MROH1: variants seen among roughly 807,000 people sequenced by gnomAD.
MROH1 encodes the protein maestro heat like repeat family member 1.
In MROH1, 117 loss-of-function variants were observed where a neutral mutation model predicts 116.5. The ratio of observed to expected loss-of-function variants is 1.00; its 90% CI spans 0.86 to 1.17. MROH1 has a LOEUF of 1.17. MROH1 is among the 50% of genes most tolerant of loss of function. The probability of loss-of-function intolerance (pLI) is 0.00; values close to 1 mark genes in which losing one functional copy is unlikely to be tolerated. For synonymous variants in MROH1, 921 were observed against 583.9 expected, an observed-to-expected ratio of 1.58 and a Z score of -8.32; for missense variants, 1,873 against 1,338.5, an observed-to-expected ratio of 1.40 and a Z score of -6.23.
intron 4 of MROH1, chr8:144,175,673 C>A (rs997055492): frequency 3.6e-6 from 2 of 553,698 alleles, no homozygotes; most frequent in Non-Finnish European, 4.6e-6. Flanking sequence ...CCTGTAATCC[C>A]AGCACTTTGG....
In MROH1 at chr8:144,249,006, C is replaced by A. The variant is rs1235391299; in HGVS notation, c.3250C>A (p.Arg1084=). The A allele has an allele frequency of 1.8e-5, 12 of 665,790 alleles. No individual in the cohort carries two copies. Among genetic ancestry groups the A allele is most frequent in the South Asian group, 1.0e-4 (7 of 67,258 alleles). The allele number at this position is 665,790 out of a possible 1,614,324, so 41.2% of individuals were successfully genotyped here. A position where few individuals can be genotyped will look rare whatever the true frequency, so the allele number is the denominator to read the frequency against. ...CATGATCAACTGCCTGCTGCAGGAG[C>A]GGGGCGGTGTGCTCCAGGAGAAGGT... ...TVMINCLLQE[R]GGVLQEKVPE... Residue 1084 remains arginine, a synonymous_variant, in exon 32 of 44, where the codon CGG becomes AGG. Transcript: ENST00000326134.
intron 3 of MROH1, among the ~76,000 whole-genome samples, chr8:144,167,473 G>A (rs1404383036): frequency 7.0e-6 from 1 of 143,136 alleles, no homozygotes; most frequent in Non-Finnish European, 1.5e-5. Flanking sequence ...GGCCAGTTGG[G>A]GTGGAGTGGC....
At chr8:144,220,715 A>G (rs1192603492) in intron 13 of MROH1, 42 bp downstream of exon 13, 1 of 1,517,292 alleles carries the variant, frequency 6.6e-7, no homozygotes, top group South Asian at 1.2e-5. Context: ...ACCACACCAC[A>G]GGCAGCTGCA....
chr8:144,171,151 T>A (rs540154146), intron 4 of MROH1, among the ~76,000 whole-genome samples: 3 of 152,246 alleles, frequency 2.0e-5, no homozygotes, highest in East Asian at 1.9e-4. Flanking sequence ...GAGGGCTCAG[T>A]CCCACACAAC....
At chr8:144,191,895 C>A in intron 9 of MROH1, 40 bp downstream of exon 9, 1 of 1,610,310 alleles carries the variant, frequency 6.2e-7, no homozygotes, top group Middle Eastern at 1.7e-4. Flanking sequence ...CCCGAGGACC[C>A]CTCCAATCAG....
At position 144,260,819 on chromosome 8, in the gene MROH1, C is replaced by A. The variant is rs1257431059; in HGVS notation, c.4523C>A (p.Ala1508Asp). ...PLLLHLQDPQATVASACRFAL... is the reference protein window; with the variant it reads ...PLLLHLQDPQDTVASACRFAL... ...CTGCTGCACCTGCAGGACCCTCAGG[C>A]CACCGTGGCCAGCGTGAGTAGCCAG... Residue 1508 changes from alanine to aspartate, a missense_variant, in exon 40 of 44, where the codon GCC becomes GAC. Ala to Asp is a moderately radical substitution (Grantham distance 126). Transcript: ENST00000326134. The A allele has an allele frequency of 1.3e-6, 1 of 777,770 alleles. No individual in the cohort carries two copies. Among genetic ancestry groups the A allele is most frequent in the Non-Finnish European group, 2.4e-6 (1 of 417,572 alleles). 48.2% of individuals were successfully genotyped at this position (777,770 alleles called of 1,614,324 possible).
intron 12 of MROH1, among the ~76,000 whole-genome samples, chr8:144,207,461 A>G (rs564389603): frequency 2.8e-3 from 420 of 150,732 alleles, no homozygotes; most frequent in African/African-American, 9.3e-3. Context: ...GCTGGGATTT[A>G]CAGGCGTGAG....
intron 14 of MROH1, among the ~76,000 whole-genome samples, chr8:144,224,846 G>A (rs1027793160): frequency 6.6e-6 from 1 of 152,146 alleles, no homozygotes. Flanking sequence ...GGGGTGGCCG[G>A]ATGATTCTGG....
chr8:144,236,923 T>TTTTA, intron 14 of MROH1, among the ~76,000 whole-genome samples: 1 of 85,360 alleles, frequency 1.2e-5, no homozygotes, highest in Non-Finnish European at 2.5e-5. Context: ...TTTTTTTTTT[T>TTTTA]GAGATGGAGT....
At position 144,239,142 on chromosome 8, in the gene MROH1, C is replaced by G; in HGVS notation, c.1554C>G (p.Ala518=). Residue 518 remains alanine, a synonymous_variant, in exon 16 of 44, where the codon GCC becomes GCG. Transcript: ENST00000326134. Reference sequence around the variant, plus strand: ...ATCTGGCGCAGAAGAGGCAGGAGGCCGGGGCCGACGCCTTCCTCATCCAGT... The same window carrying G: ...ATCTGGCGCAGAAGAGGCAGGAGGCGGGGGCCGACGCCTTCCTCATCCAGT... The part of the protein sequence containing the change: ...LVHLAQKRQE[A]GADAFLIQYD... The G allele has an allele frequency of 1.3e-6, 1 of 769,114 alleles. No individual in the cohort carries two copies. The highest frequency in any genetic ancestry group is 2.4e-6 in the Non-Finnish European group (1 of 417,150). 47.6% of individuals were successfully genotyped at this position (769,114 alleles called of 1,614,324 possible).
intron 1 of MROH1, among the ~76,000 whole-genome samples, chr8:144,154,903 C>T (rs1002347740): frequency 6.6e-6 from 1 of 152,160 alleles, no homozygotes; most frequent in Non-Finnish European, 1.5e-5. Flanking sequence ...ACTGCAACCT[C>T]TGCCTCCTGG....
At chr8:144,190,496 G>T (rs759113202) in intron 7 of MROH1, among the ~76,000 whole-genome samples, 35 of 152,036 alleles carry the variant, frequency 2.3e-4, no homozygotes, top group Non-Finnish European at 4.0e-4. Flanking sequence ...TTCCAGCCTG[G>T]GTGACACAGC....
intron 13 of MROH1, among the ~76,000 whole-genome samples, chr8:144,221,692 G>T (rs1442780617): frequency 6.6e-6 from 1 of 152,026 alleles, no homozygotes; most frequent in East Asian, 1.9e-4. Context: ...CCCCTGACAG[G>T]GTCTTTTGGT....
At position 144,166,601 on chromosome 8, in the gene MROH1, G is replaced by C. The variant is rs113578429; in HGVS notation, c.23-1694G>C. Among the ~76,000 whole-genome samples the C allele has an allele frequency of 2.1e-3, 313 of 152,268 alleles. 1 individual carries two copies. Among genetic ancestry groups the C allele is most frequent in the African/African-American group, 7.2e-3 (301 of 41,552 alleles). Reference sequence around the variant, plus strand: ...TCAGGGCTCTATAAGTGCCACTGTTGGGTGCCATGTCTTGAGCTTGAGGGA... The same window carrying C: ...TCAGGGCTCTATAAGTGCCACTGTTCGGTGCCATGTCTTGAGCTTGAGGGA... On this transcript the variant is annotated intron_variant, in intron 3 of 43. Transcript: ENST00000326134.
intron 35 of MROH1, among the ~76,000 whole-genome samples, chr8:144,258,533 G>A (rs1036882827): frequency 1.2e-3 from 182 of 152,336 alleles, no homozygotes; most frequent in African/African-American, 4.2e-3. Flanking sequence ...CTGGTGGCCA[G>A]GTGGCCACAG....
chr8:144,183,882 C>T (rs189572033), intron 7 of MROH1, among the ~76,000 whole-genome samples: 6,507 of 152,004 alleles, frequency 0.043, 163 homozygotes, highest in African/African-American at 0.07. Flanking sequence ...CTCCTGACCT[C>T]GTGATCCGCC....
Position 144,239,122 on chromosome 8 carries a change from G to A in MROH1, c.1534G>A (p.Ala512Thr). The A allele has an allele frequency of 1.3e-6, 1 of 773,802 alleles. No homozygotes were observed. The highest frequency in any genetic ancestry group is 2.4e-6 in the Non-Finnish European group (1 of 417,676). 47.9% of individuals were successfully genotyped at this position (773,802 alleles called of 1,614,324 possible). ...GCTCTGCAGGAGCCTCGTGCATCTG[G>A]CGCAGAAGAGGCAGGAGGCCGGGGC... ...TPLCRSLVHL[A>T]QKRQEAGADA... Residue 512 changes from alanine (A) to threonine (T), a missense_variant, in exon 16 of 44, where the codon GCG (alanine) becomes ACG (threonine). Physicochemically the swap from Ala to Thr is moderately conservative, Grantham distance 58. Coordinates refer to ENST00000326134, the MANE Select transcript of MROH1 (RefSeq NM_032450.3).
chr8:144,240,771 G>A (rs1840841626), intron 20 of MROH1, 94 bp downstream of exon 20: 31 of 694,366 alleles, frequency 4.5e-5, no homozygotes, highest in Non-Finnish European at 7.4e-5. Context: ...TGTCTCCCGT[G>A]GCCCTGGTGG....
Position 144,182,171 on chromosome 8 carries a change from G to A in MROH1, c.562+1648G>A, listed in dbSNP as rs1185689319. On this transcript the variant is annotated intron_variant, in intron 7 of 43. Coordinates refer to ENST00000326134, the MANE Select transcript of MROH1 (RefSeq NM_032450.3). This position sits in a 1 kb window ranked among gnomAD's most constrained non-coding sequence, Gnocchi z 4.1. ...AACCGGGTGAGGCCTAGTGGTGGGG[G>A]CGGTGGCAGGCCTGCGTCCACTGCG... 2.0e-5 allele frequency among the ~76,000 whole-genome samples: 3 copies of A among 152,240 alleles called. No individual in the cohort carries two copies. Among genetic ancestry groups the A allele is most frequent in the Non-Finnish European group, 4.4e-5 (3 of 68,044 alleles).
Sources: gnomAD v4.1 joint callset for allele counts (sites outside exome capture counted in the v4.1 genomes callset) on GRCh38, gnomAD v4.1.1 for gene constraint, Gnocchi (gnomAD v3.1) non-coding constraint, MANE v1.5 for transcripts, NCBI Gene and HGNC (gene_info 2026-07-23, HGNC 2026-07-21) for gene names.